The following PKD2L1 variants were observed in gnomAD, a reference collection of about 807,000 sequenced individuals.
PKD2L1 encodes polycystin 2 like 1, transient receptor potential cation channel.
A neutral mutation model predicts 93.0 loss-of-function variants in PKD2L1; 77 were observed. The ratio of observed to expected loss-of-function variants is 0.83; its 90% confidence interval spans 0.69 to 1.00. The LOEUF is 1.00. Among genes scored for constraint, PKD2L1 ranks in the 50% least tolerant of loss-of-function variants. PKD2L1 has a pLI of 0.00. For missense variants in PKD2L1, 977 were observed against 990.9 expected, an observed-to-expected ratio of 0.99 and a Z score of 0.19; for synonymous variants, 390 against 388.0, an observed-to-expected ratio of 1.01 and a Z score of -0.06.
intron 9 of PKD2L1, among the ~76,000 whole-genome samples, chr10:100,293,865 G>C: frequency 6.6e-6 from 1 of 152,166 alleles, no homozygotes; most frequent in Non-Finnish European, 1.5e-5. Context: ...CCAGCACTTT[G>C]GGAGGCCAAG....
Position 100,297,386 on chromosome 10 carries a change from G to A in PKD2L1, c.952C>T (p.Leu318=). The A allele has an allele frequency of 2.5e-6, 4 of 1,612,802 alleles. No homozygotes were observed. Among genetic ancestry groups the A allele is most frequent in the Non-Finnish European group, 3.4e-6 (4 of 1,178,818 alleles). ...YNANINLFCV[L]RLVVEFPATG... ...AAGTAGGGAAAGGGGGCTCACCTCA[G>A]GACACAGAAAAGATTGATATTGGCA... Residue 318 remains leucine (L), a synonymous_variant, in exon 5 of 16, where the codon CTG becomes TTG. Coordinates refer to ENST00000318222, the MANE Select transcript of PKD2L1 (RefSeq NM_016112.3).
intron 2 of PKD2L1, among the ~76,000 whole-genome samples, chr10:100,327,119 A>G (rs2133576116): frequency 6.6e-6 from 1 of 152,246 alleles, no homozygotes; most frequent in South Asian, 2.1e-4. Flanking sequence ...TCTCAGTCCA[A>G]CGTCTGGCTC....
intron 2 of PKD2L1, among the ~76,000 whole-genome samples, chr10:100,313,261 A>C (rs935312664): frequency 1.9e-4 from 29 of 152,194 alleles, no homozygotes; most frequent in Admixed American, 2.6e-4. Flanking sequence ...ATCTAGCTGA[A>C]CCAAAAAAAT....
At chr10:100,320,343 C>T (rs1849198557) in intron 2 of PKD2L1, among the ~76,000 whole-genome samples, 1 of 152,130 alleles carries the variant, frequency 6.6e-6, no homozygotes, top group South Asian at 2.1e-4. Flanking sequence ...GATGAGATTC[C>T]AAATAGTCTT....
intron 2 of PKD2L1, among the ~76,000 whole-genome samples, chr10:100,323,872 G>A (rs894872653): frequency 6.6e-5 from 10 of 151,980 alleles, no homozygotes; most frequent in Non-Finnish European, 1.0e-4. Flanking sequence ...CTGTCACCCA[G>A]TCTGGAGGGC....
Position 100,329,003 on chromosome 10 carries a change from A to G in PKD2L1, c.349+208T>C. Among the ~76,000 whole-genome samples, 2 of 152,208 alleles carry G rather than the reference A, an allele frequency of 1.3e-5. 1 individual carries two copies. Among genetic ancestry groups the G allele is most frequent in the Non-Finnish European group, 2.9e-5 (2 of 68,038 alleles). On this transcript the variant is annotated intron_variant, in intron 2 of 15. Transcript: ENST00000318222. ...ATTCTTGACCAAACTGCCTTCCTCT[A>G]CTGACAAATTCCTTTTAAACAAAAT...
intron 1 of PKD2L1, among the ~76,000 whole-genome samples, 167 bp downstream of exon 1, chr10:100,329,702 G>C (rs1849462437): frequency 1.3e-5 from 2 of 152,194 alleles, no homozygotes; most frequent in Non-Finnish European, 2.9e-5. Context: ...GCTGGCCTCT[G>C]TGTTCTGGGT....
chr10:100,322,838 G>T (rs980028075), intron 2 of PKD2L1, among the ~76,000 whole-genome samples: 1 of 152,158 alleles, frequency 6.6e-6, no homozygotes, highest in African/African-American at 2.4e-5. Context: ...AAAAGCCTCG[G>T]GATTCAAATC....
intron 14 of PKD2L1, among the ~76,000 whole-genome samples, 165 bp downstream of exon 14, chr10:100,289,850 T>C (rs1344328567): frequency 6.6e-6 from 1 of 152,194 alleles, no homozygotes; most frequent in African/African-American, 2.4e-5. Flanking sequence ...CCAGGCCTTA[T>C]CTCCATGACC....
In PKD2L1 at chr10:100,291,306, C is replaced by G; in HGVS notation, c.2002G>C (p.Glu668Gln). 1 of 1,613,662 alleles carries G rather than the reference C, an allele frequency of 6.2e-7. No homozygotes were observed. Among genetic ancestry groups the G allele is most frequent in the Admixed American group, 1.7e-5 (1 of 60,006 alleles). The change falls in exon 12 of 16, where the codon GAG becomes CAG. Residue 668 changes from glutamate to glutamine, a missense_variant. By Grantham distance (29) the Glu-to-Gln change is conservative. Transcript: ENST00000318222. ...QEKMRQDLEE[E>Q]RVALNTEIEK... is the part of the protein sequence containing the mutation. ...CACCCATCAGCCCAGCTCACCCTCT[C>G]TTCCTCCAGGTCCTGTCGCATTTTT... is the stretch of plus-strand genomic sequence containing the variant.
At chr10:100,311,276 T>C (rs1288190677) in intron 2 of PKD2L1, among the ~76,000 whole-genome samples, 1 of 152,188 alleles carries the variant, frequency 6.6e-6, no homozygotes, top group East Asian at 1.9e-4. Context: ...TGGTACACGT[T>C]TTTTTCCTCT....
At chr10:100,327,872 G>C (rs1273131208) in intron 2 of PKD2L1, among the ~76,000 whole-genome samples, 1 of 152,210 alleles carries the variant, frequency 6.6e-6, no homozygotes, top group Non-Finnish European at 1.5e-5. Context: ...AGTTCCGATA[G>C]AGCACAGCCA....
chr10:100,311,459 C>T (rs1369978191), intron 2 of PKD2L1, among the ~76,000 whole-genome samples: 2 of 152,130 alleles, frequency 1.3e-5, no homozygotes, highest in African/African-American at 2.4e-5. Flanking sequence ...TAATCATTAA[C>T]GTCATGAGCT....
rs1849247681 is a variant in PKD2L1, at chr10:100,321,750, AGAAAGAAGGGAGGGAGGGAGGGAG to A, written c.349+7437_349+7460del. 3.5e-4 allele frequency among the ~76,000 whole-genome samples: 2 copies of A among 5,746 alleles called. 1 individual carries two copies. Among genetic ancestry groups the A allele is most frequent in the African/African-American group, 1.0e-3 (2 of 1,928 alleles). 3.8% of individuals were successfully genotyped at this position (5,746 alleles called of 152,430 possible). Reference sequence around the variant, plus strand: ...AAGAAAGAAAGAAAGAAAGAAAGAAAGAAAGAAGGGAGGGAGGGAGGGAGGGAGGGAGGGAGGGAGGGAGGGAGG... The same window carrying A: ...AAGAAAGAAAGAAAGAAAGAAAGAAAGGAGGGAGGGAGGGAGGGAGGGAGG... On this transcript the variant is annotated intron_variant, in intron 2 of 15. Transcript: ENST00000318222.
chr10:100,289,291 G>A (rs1426400320), intron 14 of PKD2L1, among the ~76,000 whole-genome samples: 1 of 152,200 alleles, frequency 6.6e-6, no homozygotes, highest in Non-Finnish European at 1.5e-5. Context: ...TGTAATTCCA[G>A]CACTTTGGGA....
rs1260620 is a variant in PKD2L1, at chr10:100,321,818, G to A, written c.349+7393C>T. Among the ~76,000 whole-genome samples, 36 of 15,836 alleles carry A rather than the reference G, an allele frequency of 2.3e-3. 3 individuals carry two copies. Among genetic ancestry groups the A allele is most frequent in the African/African-American group, 3.7e-3 (14 of 3,786 alleles). 10.4% of individuals were successfully genotyped at this position (15,836 alleles called of 152,430 possible). A position where few individuals can be genotyped will look rare whatever the true frequency, so the allele number is the denominator to read the frequency against. ...AGGGAGGGAGGGAGGGAGGAAGGAA[G>A]GAAAGAAAGAAAGAAGGAAAGCAAG... On this transcript the variant is annotated intron_variant, in intron 2 of 15. Transcript: ENST00000318222.
Position 100,294,943 on chromosome 10 carries a change from T to C in PKD2L1, c.1537A>G (p.Ile513Val), listed in dbSNP as rs1187798071. Residue 513 changes from isoleucine to valine, a missense_variant and splice_region_variant, in exon 8 of 16, where the codon ATT becomes GTT. Ile to Val is a conservative substitution (Grantham distance 29, BLOSUM62 3). Coordinates refer to ENST00000318222, the MANE Select transcript of PKD2L1 (RefSeq NM_016112.3). ...VENFSTFIKCIFTQFRIILGD... is the reference protein window; with the variant it reads ...VENFSTFIKCVFTQFRIILGD... ...GAGTGAAGGGGACAGGACACACACA[T>C]GCACTTGATGAAAGTGCTAAAGTTT... 2 of 1,611,498 alleles carry C rather than the reference T, an allele frequency of 1.2e-6. No homozygotes were observed. Among genetic ancestry groups the C allele is most frequent in the East Asian group, 2.2e-5 (1 of 44,844 alleles).
At chr10:100,299,832 G>A (rs1208396977) in intron 2 of PKD2L1, 114 bp from the exon 3 acceptor site, 1 of 890,764 alleles carries the variant, frequency 1.1e-6, no homozygotes, top group African/African-American at 1.7e-5. Flanking sequence ...TCCCCCATCT[G>A]GACCCATCCT....
chr10:100,295,972 G>A (rs775534028), intron 7 of PKD2L1, 150 bp downstream of exon 7: 4 of 609,768 alleles, frequency 6.6e-6, no homozygotes, highest in Non-Finnish European at 1.1e-5. Flanking sequence ...GGAGGTGGAG[G>A]TTGCAGTGAG....
Sources: gnomAD v4.1 joint callset for allele counts (sites outside exome capture counted in the v4.1 genomes callset) on GRCh38, gnomAD v4.1.1 for gene constraint, MANE v1.5 for transcripts, NCBI Gene and HGNC (gene_info 2026-07-23, HGNC 2026-07-21) for gene names.